The following NR3C2 variants were observed in gnomAD, a reference collection of about 807,000 sequenced individuals.
The protein encoded by NR3C2 is nuclear receptor subfamily 3 group C member 2.
A neutral mutation model predicts 86.4 loss-of-function variants in NR3C2; 15 were observed. The observed-to-expected ratio is 0.17, with a 90% CI of 0.12 to 0.27. The LOEUF is 0.27. Ranked by LOEUF, NR3C2 falls within the 10% of genes least tolerant of loss-of-function variation. The pLI is 1.00. For missense variants in NR3C2, 960 were observed against 1,195.6 expected (o/e 0.80, Z 2.91); for synonymous variants, 458 against 450.5 (o/e 1.02, Z -0.21).
chr4:148,307,605 T>C (rs1742695006), intron 2 of NR3C2, among the ~76,000 whole-genome samples: 1 of 152,180 alleles, frequency 6.6e-6, no homozygotes, highest in Non-Finnish European at 1.5e-5. Context: ...GTGATCTTCA[T>C]TCACAATTTC....
intron 3 of NR3C2, among the ~76,000 whole-genome samples, chr4:148,228,974 G>A (rs1419475477): frequency 1.3e-5 from 2 of 152,196 alleles, no homozygotes; most frequent in Non-Finnish European, 1.5e-5. Flanking sequence ...TAGAAGGGAT[G>A]AACAATTATG....
chr4:148,323,745 C>G lies in NR3C2; in HGVS notation c.1758-63628G>C, dbSNP rs950331464. Among the ~76,000 whole-genome samples the G allele has an allele frequency of 3.3e-5, 5 of 152,218 alleles. No homozygotes were observed. The South Asian group carries it at 6.2e-4, about 19-fold the overall frequency. Reference sequence around the variant, plus strand: ...GCCTCGCCCTGCTTCGGCTCGCACACGGTGCGCGCACCCACTGACCTGTGC... The same window carrying G: ...GCCTCGCCCTGCTTCGGCTCGCACAGGGTGCGCGCACCCACTGACCTGTGC... On this transcript the variant is annotated intron_variant, in intron 2 of 8. Coordinates refer to ENST00000358102, the MANE Select transcript of NR3C2 (RefSeq NM_000901.5).
chr4:148,413,666 T>C (rs1002861794), intron 2 of NR3C2, among the ~76,000 whole-genome samples: 2 of 152,018 alleles, frequency 1.3e-5, no homozygotes, highest in Non-Finnish European at 2.9e-5. Flanking sequence ...TATAGGTAAA[T>C]AGGATATGAA....
intron 2 of NR3C2, among the ~76,000 whole-genome samples, chr4:148,348,895 C>T (rs944839587): frequency 6.6e-6 from 1 of 152,064 alleles, no homozygotes; most frequent in African/African-American, 2.4e-5. Context: ...ATTTTAACTG[C>T]TTGAATGACT....
At chr4:148,215,832 T>C (rs1224701202) in intron 3 of NR3C2, among the ~76,000 whole-genome samples, 5 of 149,504 alleles carry the variant, frequency 3.3e-5, no homozygotes, top group East Asian at 2.0e-4. Context: ...CAGGCCATAG[T>C]GCAGTGGCTC....
chr4:148,382,117 T>C (rs1220159510), intron 2 of NR3C2, among the ~76,000 whole-genome samples: 1 of 152,220 alleles, frequency 6.6e-6, no homozygotes, highest in Non-Finnish European at 1.5e-5. Context: ...GCTTCCAGCA[T>C]GGCTGACTGA....
At chr4:148,324,432 CCAACA>C (rs1306590802) in intron 2 of NR3C2, among the ~76,000 whole-genome samples, 1 of 151,446 alleles carries the variant, frequency 6.6e-6, no homozygotes, top group African/African-American at 2.4e-5. Context: ...CATCCACTGA[CCAACA>C]CTTAGGTTGT....
intron 6 of NR3C2, chr4:148,146,757 T>C (rs1361173665): frequency 6.6e-6 from 1 of 152,176 alleles, no homozygotes; most frequent in Non-Finnish European, 1.5e-5. Context: ...TCGCCAACAG[T>C]CTGTGAACCA....
chr4:148,184,696 A>G (rs1735809877), intron 4 of NR3C2, among the ~76,000 whole-genome samples: 1 of 152,190 alleles, frequency 6.6e-6, no homozygotes, highest in Non-Finnish European at 1.5e-5. Context: ...ATTTTATAAA[A>G]TAGATTGAGT....
intron 4 of NR3C2, among the ~76,000 whole-genome samples, chr4:148,186,988 GTATGTATGTA>G (rs1285295007): frequency 0.016 from 220 of 13,678 alleles, 6 homozygotes; most frequent in Middle Eastern, 0.05. Flanking sequence ...ACTGATGTGT[GTATGTATGTA>G]TATATATATA....
intron 8 of NR3C2, among the ~76,000 whole-genome samples, chr4:148,101,394 T>C (rs1469717828): frequency 6.6e-6 from 1 of 152,174 alleles, no homozygotes. Context: ...ACGAAAGCTA[T>C]GATCAAGCAC....
chr4:148,380,494 T>C (rs1746916749), intron 2 of NR3C2, among the ~76,000 whole-genome samples: 1 of 152,244 alleles, frequency 6.6e-6, no homozygotes, highest in Non-Finnish European at 1.5e-5. Context: ...ATGGGAATTC[T>C]ATATTTAAAC....
At chr4:148,183,836 C>T (rs950976702) in intron 4 of NR3C2, among the ~76,000 whole-genome samples, 5 of 152,190 alleles carry the variant, frequency 3.3e-5, no homozygotes, top group Admixed American at 2.6e-4. Flanking sequence ...ACAATTCCTC[C>T]TCTGATGGAA....
At chr4:148,360,274 T>A (rs1201301328) in intron 2 of NR3C2, among the ~76,000 whole-genome samples, 1 of 152,194 alleles carries the variant, frequency 6.6e-6, no homozygotes, top group Non-Finnish European at 1.5e-5. Flanking sequence ...TATATATACA[T>A]AAGCATGCTG....
chr4:148,276,781 T>A (rs559954338), intron 2 of NR3C2, among the ~76,000 whole-genome samples: 22 of 152,304 alleles, frequency 1.4e-4, no homozygotes, highest in Admixed American at 3.3e-4. Context: ...CGGTAGCACT[T>A]CCAAAGTATA....
chr4:148,087,804 C>T (rs1339256876), intron 8 of NR3C2, among the ~76,000 whole-genome samples: 1 of 152,178 alleles, frequency 6.6e-6, no homozygotes. Flanking sequence ...AGGACGTAGG[C>T]ATGGGCAAAG....
chr4:148,209,040 T>C (rs1737148067), intron 3 of NR3C2, among the ~76,000 whole-genome samples: 1 of 151,768 alleles, frequency 6.6e-6, no homozygotes, highest in South Asian at 2.1e-4. Context: ...AGTTAGGAGT[T>C]CAAGACCAGC....
chr4:148,354,383 T>C (rs1356328578), intron 2 of NR3C2, among the ~76,000 whole-genome samples: 2 of 152,164 alleles, frequency 1.3e-5, no homozygotes, highest in Non-Finnish European at 2.9e-5. Context: ...TCATTAAGTT[T>C]TGGAGGCGTC....
chr4:148,169,538 A>G (rs896928027), intron 4 of NR3C2, among the ~76,000 whole-genome samples: 4 of 151,306 alleles, frequency 2.6e-5, no homozygotes, highest in Admixed American at 2.6e-4. Flanking sequence ...ATATAAATAT[A>G]TATATATTCA....
Sources: allele counts gnomAD v4.1 joint callset (sites outside exome capture counted in the v4.1 genomes callset), GRCh38; gene constraint gnomAD v4.1.1; transcripts MANE v1.5; gene names NCBI Gene and HGNC (gene_info 2026-07-23, HGNC 2026-07-21).